The following ENTREP2 variants were observed in gnomAD, a reference collection of about 807,000 sequenced individuals.
ENTREP2 encodes the protein protein ENTREP2.
At chr15:29,526,896 C>T in the ENTREP2 span, among the ~76,000 whole-genome samples, 22 of 152,238 alleles carry the variant, frequency 1.4e-4, no homozygotes, top group African/African-American at 5.1e-4. Flanking sequence ...GGCCTCCTCA[C>T]TGATTTTCCA....
At chr15:29,642,802 T>A in the ENTREP2 span, among the ~76,000 whole-genome samples, 1 of 152,112 alleles carries the variant, frequency 6.6e-6, no homozygotes, top group East Asian at 1.9e-4. Flanking sequence ...TTAGTAGAGA[T>A]GGGATTTCAC....
chr15:29,387,273 T>C, the ENTREP2 span, among the ~76,000 whole-genome samples: 1 of 152,228 alleles, frequency 6.6e-6, no homozygotes. Flanking sequence ...GTTTTTGTCT[T>C]TGGTTCTGTT....
At chr15:29,324,251 A>T in the ENTREP2 span, among the ~76,000 whole-genome samples, 1 of 152,068 alleles carries the variant, frequency 6.6e-6, no homozygotes, top group Admixed American at 6.5e-5. Flanking sequence ...ACAGGCACAC[A>T]TCTAGCTATT....
At chr15:29,174,493 C>T in the ENTREP2 span, among the ~76,000 whole-genome samples, 1 of 152,066 alleles carries the variant, frequency 6.6e-6, no homozygotes, top group South Asian at 2.1e-4. Flanking sequence ...TTGAGACCAT[C>T]CTGGCTAACA....
At chr15:29,445,009 G>T in the ENTREP2 span, among the ~76,000 whole-genome samples, 2 of 152,208 alleles carry the variant, frequency 1.3e-5, no homozygotes, top group Admixed American at 1.3e-4. Context: ...CTGACACCTT[G>T]CTTCCTCATA....
At chr15:29,391,020 G>C in the ENTREP2 span, among the ~76,000 whole-genome samples, 6 of 152,184 alleles carry the variant, frequency 3.9e-5, no homozygotes, top group African/African-American at 1.2e-4. Context: ...CTGGACTGCA[G>C]CTCTGTGCAA....
the ENTREP2 span, among the ~76,000 whole-genome samples, chr15:29,339,431 T>C: frequency 6.6e-6 from 1 of 152,184 alleles, no homozygotes; most frequent in Non-Finnish European, 1.5e-5. Flanking sequence ...CATCCAAGGA[T>C]CCGTGTTTAA....
At chr15:29,160,516 C>T in the ENTREP2 span, among the ~76,000 whole-genome samples, 1 of 152,038 alleles carries the variant, frequency 6.6e-6, no homozygotes, top group African/African-American at 2.4e-5. Flanking sequence ...TGAAACCAGC[C>T]TGGCCAACAT....
the ENTREP2 span, among the ~76,000 whole-genome samples, chr15:29,348,517 G>A: frequency 1.4e-4 from 22 of 152,330 alleles, no homozygotes; most frequent in Non-Finnish European, 2.8e-4. Context: ...GGGAGTGGGA[G>A]GGGTGGTTGC....
the ENTREP2 span, among the ~76,000 whole-genome samples, chr15:29,446,579 G>A: frequency 1.3e-5 from 2 of 152,334 alleles, no homozygotes; most frequent in Admixed American, 6.5e-5. Context: ...ATGGGGTGGG[G>A]AGTGAGATCA....
At chr15:29,223,093 C>G in the ENTREP2 span, among the ~76,000 whole-genome samples, 13 of 152,192 alleles carry the variant, frequency 8.5e-5, 1 homozygote, top group African/African-American at 3.1e-4. Flanking sequence ...AACAAAGAAG[C>G]TGGGCAGGGC....
the ENTREP2 span, among the ~76,000 whole-genome samples, chr15:29,185,762 G>A: frequency 7.3e-5 from 11 of 151,622 alleles, no homozygotes; most frequent in Admixed American, 1.3e-4. Context: ...GGGTTTTGCC[G>A]TGTTGGCCAG....
At chr15:29,171,763 A>G in the ENTREP2 span, among the ~76,000 whole-genome samples, 3 of 152,196 alleles carry the variant, frequency 2.0e-5, no homozygotes, top group African/African-American at 7.2e-5. Flanking sequence ...AATAATTGGC[A>G]AGGAAAACCA....
At chr15:29,236,064 T>C in the ENTREP2 span, among the ~76,000 whole-genome samples, 57 of 152,062 alleles carry the variant, frequency 3.7e-4, no homozygotes, top group African/African-American at 1.3e-3. Flanking sequence ...AGAAAAACAA[T>C]TGATATGAAA....
the ENTREP2 span, among the ~76,000 whole-genome samples, chr15:29,407,307 T>C: frequency 6.6e-6 from 1 of 152,170 alleles, no homozygotes; most frequent in Non-Finnish European, 1.5e-5. Flanking sequence ...AACATGGTAT[T>C]AGAATCTCAT....
chr15:29,407,680 GT>G, the ENTREP2 span, among the ~76,000 whole-genome samples: 9 of 151,682 alleles, frequency 5.9e-5, no homozygotes, highest in East Asian at 3.9e-4. Flanking sequence ...ATTTTTTTGG[GT>G]TGGGGGGAGC....
chr15:29,391,616 T>TAAC, the ENTREP2 span, among the ~76,000 whole-genome samples: 8 of 151,712 alleles, frequency 5.3e-5, no homozygotes, highest in Non-Finnish European at 1.2e-4. Flanking sequence ...AAGTGCTTGG[T>TAAC]AACAAACTCA....
the ENTREP2 span, among the ~76,000 whole-genome samples, chr15:29,304,366 C>A: frequency 6.6e-5 from 10 of 152,320 alleles, no homozygotes; most frequent in African/African-American, 2.4e-4. Context: ...ATGGCACATA[C>A]TCTAAAACTG....
chr15:29,657,481 G>A, the ENTREP2 span, among the ~76,000 whole-genome samples: 3 of 113,860 alleles, frequency 2.6e-5, no homozygotes, highest in Non-Finnish European at 5.6e-5. Context: ...CGGCTGGGGG[G>A]GCGGGGGGGG....
Sources: gnomAD v4.1 joint callset for allele counts (sites outside exome capture counted in the v4.1 genomes callset) on GRCh38, gnomAD v4.1.1 for gene constraint, MANE v1.5 for transcripts, NCBI Gene and HGNC (gene_info 2026-07-23, HGNC 2026-07-21) for gene names.